The following CEP85 variants were observed in gnomAD, a reference collection of about 807,000 sequenced individuals.
CEP85 encodes centrosomal protein 85, also known as centrosomal protein of 85 kDa.
CEP85 carries 58 observed loss-of-function variants against 93.7 expected under a neutral mutation model. The ratio of observed to expected loss-of-function variants is 0.62; its 90% confidence interval spans 0.50 to 0.77. The LOEUF (loss-of-function observed/expected upper bound fraction) is 0.77, where lower values mean the gene tolerates loss of function less well. Among genes scored for constraint, CEP85 ranks in the 30% least tolerant of loss-of-function variants. The pLI, the probability that CEP85 is intolerant of heterozygous loss-of-function variation, is 0.00. For synonymous variants in CEP85, 314 were observed against 338.6 expected (o/e 0.93, Z 0.80); for missense variants, 868 against 922.0 (o/e 0.94, Z 0.76).
In CEP85 at chr1:26,277,228, G is replaced by T; in HGVS notation, c.2221G>T (p.Asp741Tyr). The T allele has an allele frequency of 8.7e-6, 14 of 1,614,158 alleles. No homozygotes were observed. The highest frequency in any genetic ancestry group is 1.2e-5 in the Non-Finnish European group (14 of 1,179,990). The change falls in exon 14 of 14, where the codon GAC becomes TAC. Residue 741 changes from aspartate to tyrosine, a missense_variant. Coordinates refer to ENST00000451429, the MANE Select transcript of CEP85 (RefSeq NM_001319944.2). Reference sequence around the variant, plus strand: ...TCAACAGCTGCGTCGTGACATTGAGGACTTAAGGACCACCATGTCAGACAG... The same window carrying T: ...TCAACAGCTGCGTCGTGACATTGAGTACTTAAGGACCACCATGTCAGACAG... ...EVQQLRRDIE[D>Y]LRTTMSDRYA...
At chr1:26,246,852 A>G (rs2089517295) in intron 3 of CEP85, among the ~76,000 whole-genome samples, 1 of 152,112 alleles carries the variant, frequency 6.6e-6, no homozygotes, top group African/African-American at 2.4e-5. Context: ...AAATGAAATA[A>G]CCATTATATA....
At chr1:26,234,500 C>G (rs867632777) in intron 1 of CEP85, among the ~76,000 whole-genome samples, 190 bp downstream of exon 1, 4 of 152,248 alleles carry the variant, frequency 2.6e-5, no homozygotes, top group South Asian at 4.1e-4. Flanking sequence ...CCTCGCTTCC[C>G]CCGTTGCCTT....
chr1:26,256,885 C>G (rs2089711591), intron 4 of CEP85, among the ~76,000 whole-genome samples: 1 of 142,396 alleles, frequency 7.0e-6, no homozygotes, highest in African/African-American at 2.6e-5. Context: ...GGGTGAGTTA[C>G]TGTGCCTGCC....
At chr1:26,237,457 G>A (rs771079222) in intron 1 of CEP85, among the ~76,000 whole-genome samples, 1 of 152,098 alleles carries the variant, frequency 6.6e-6, no homozygotes, top group Non-Finnish European at 1.5e-5. Flanking sequence ...ATAGGATCAA[G>A]CCTTTTGTTT....
chr1:26,241,490 C>T (rs868248972), intron 2 of CEP85, among the ~76,000 whole-genome samples: 2 of 151,984 alleles, frequency 1.3e-5, no homozygotes, highest in African/African-American at 2.4e-5. Context: ...GTGATCTGCC[C>T]GCCTGGGCCT....
intron 3 of CEP85, 42 bp from the exon 4 acceptor site, chr1:26,255,129 G>A (rs752991291): frequency 6.6e-7 from 1 of 1,523,564 alleles, no homozygotes. Flanking sequence ...AAGAAAGCTT[G>A]CTACTTCAAT....
At chr1:26,235,214 G>T (rs538123128) in intron 1 of CEP85, among the ~76,000 whole-genome samples, 1 of 152,328 alleles carries the variant, frequency 6.6e-6, no homozygotes, top group South Asian at 2.1e-4. Flanking sequence ...TAGGCACGCA[G>T]TAAATTTCGG....
intron 12 of CEP85, among the ~76,000 whole-genome samples, chr1:26,275,429 C>T (rs1452391739): frequency 2.6e-5 from 4 of 151,954 alleles, no homozygotes; most frequent in Admixed American, 6.5e-5. Context: ...TACAGGCACG[C>T]GCCACCACGC....
chr1:26,257,042 T>C (rs959492159), intron 4 of CEP85, among the ~76,000 whole-genome samples: 1 of 151,722 alleles, frequency 6.6e-6, no homozygotes, highest in Non-Finnish European at 1.5e-5. Context: ...GCAATTTTCC[T>C]GCCTCAGCCT....
Position 26,277,020 on chromosome 1 carries a change from T to G in CEP85, c.2129-116T>G. On this transcript the variant is annotated intron_variant, in intron 13 of 13. Coordinates refer to ENST00000451429, the MANE Select transcript of CEP85 (RefSeq NM_001319944.2). ...TTAACCCACTGTCCCCAGATGCTTT[T>G]TTTAAAGTGCATGTCCCAAGACTGT... is the stretch of plus-strand genomic sequence containing the variant. 2.6e-6 allele frequency: 3 copies of G among 1,165,616 alleles called. No individual in the cohort carries two copies. The South Asian group carries it at 4.4e-5, about 17-fold the overall frequency. The allele number at this position is 1,165,616 out of a possible 1,614,324, so 72.2% of individuals were successfully genotyped here.
chr1:26,261,759 A>G (rs1017005718), intron 7 of CEP85, among the ~76,000 whole-genome samples: 8 of 151,424 alleles, frequency 5.3e-5, no homozygotes, highest in Non-Finnish European at 8.8e-5. Flanking sequence ...TTTCCCTAAA[A>G]TCAAGTTTAT....
intron 8 of CEP85, 37 bp from the exon 9 acceptor site, chr1:26,269,423 G>C: frequency 6.2e-7 from 1 of 1,603,036 alleles, no homozygotes; most frequent in Non-Finnish European, 8.5e-7. Flanking sequence ...TATAACACTT[G>C]GCTTATTTGA....
Position 26,271,877 on chromosome 1 carries a change from A to T in CEP85, c.1744-144A>T, listed in dbSNP as rs115352281. The T allele has an allele frequency of 9.1e-4, 625 of 686,828 alleles. 4 individuals carry two copies. In the African/African-American group the frequency reaches 0.01, roughly 11 times the overall value. 42.5% of individuals were successfully genotyped at this position (686,828 alleles called of 1,614,324 possible). A position where few individuals can be genotyped will look rare whatever the true frequency, so the allele number is the denominator to read the frequency against. On this transcript the variant is annotated intron_variant, in intron 10 of 13. Transcript: ENST00000451429. ...GATTAGGAGTCTGGTTTATATTCCT[A>T]TAGGTAGAGTTCACTAATCTTTATC... is the stretch of plus-strand genomic sequence containing the variant.
chr1:26,257,847 C>T (rs1343284700), intron 5 of CEP85, 117 bp downstream of exon 5: 4 of 1,171,496 alleles, frequency 3.4e-6, no homozygotes, highest in Non-Finnish European at 3.7e-6. Flanking sequence ...CATGTCTTGC[C>T]TCATGGTGGA....
At position 26,259,528 on chromosome 1, in the gene CEP85, T is replaced by A. The variant is rs1040136794; in HGVS notation, c.1156-89T>A. ...TAAAGAGATTCTTGGAGAAAAATGA[T>A]ATTTGACCGTGAAGTATGCTGGGAA... On this transcript the variant is annotated intron_variant, in intron 6 of 13. Transcript: ENST00000451429. 2.4e-5 allele frequency: 29 copies of A among 1,217,216 alleles called. 1 individual carries two copies. The highest frequency in any genetic ancestry group is 3.3e-5 in the Non-Finnish European group (29 of 873,676). 75.4% of individuals were successfully genotyped at this position (1,217,216 alleles called of 1,614,324 possible). A position where few individuals can be genotyped will look rare whatever the true frequency, so the allele number is the denominator to read the frequency against.
rs1436225631 is a variant in CEP85, at chr1:26,257,601, A to G, written c.908A>G (p.Gln303Arg). ...IRLQMEQMQL[Q>R]NGAICHHPAA... is the part of the protein sequence containing the mutation. Reference sequence around the variant, plus strand: ...CTGGGCCTACTTGCCTTTCAGCTTCAGAATGGAGCCATCTGCCACCATCCT... The same window carrying G: ...CTGGGCCTACTTGCCTTTCAGCTTCGGAATGGAGCCATCTGCCACCATCCT... The change falls in exon 5 of 14, where the codon CAG (glutamine) becomes CGG (arginine). Residue 303 changes from glutamine to arginine, a missense_variant. Physicochemically the swap from Gln to Arg is conservative, Grantham distance 43 (BLOSUM62 1). Transcript: ENST00000451429. 6.2e-7 allele frequency: 1 copy of G among 1,614,130 alleles called. No homozygotes were observed. Among genetic ancestry groups the G allele is most frequent in the Non-Finnish European group, 8.5e-7 (1 of 1,179,982 alleles).
intron 3 of CEP85, among the ~76,000 whole-genome samples, chr1:26,248,531 T>C (rs1312478019): frequency 6.6e-6 from 1 of 152,092 alleles, no homozygotes; most frequent in Non-Finnish European, 1.5e-5. Context: ...AGAGTCGCTC[T>C]GTCGCCCAGG....
intron 2 of CEP85, among the ~76,000 whole-genome samples, chr1:26,243,891 G>A (rs371237932): frequency 1.3e-5 from 2 of 151,288 alleles, no homozygotes; most frequent in Non-Finnish European, 2.9e-5. Context: ...CCAGCTACTC[G>A]GGAGGCTAAG....
At chr1:26,262,066 G>T (rs2089818615) in intron 7 of CEP85, among the ~76,000 whole-genome samples, 1 of 152,190 alleles carries the variant, frequency 6.6e-6, no homozygotes, top group South Asian at 2.1e-4. Flanking sequence ...CCAACACTTT[G>T]GGAGGCTGAG....
Sources: gnomAD v4.1 joint callset for allele counts (sites outside exome capture counted in the v4.1 genomes callset) on GRCh38, gnomAD v4.1.1 for gene constraint, MANE v1.5 for transcripts, NCBI Gene and HGNC (gene_info 2026-07-23, HGNC 2026-07-21) for gene names.